Variants in NAA25 observed in about 807,000 individuals in gnomAD.
NAA25 encodes the protein N-alpha-acetyltransferase 25, NatB auxiliary subunit.
NAA25 carries 30 observed loss-of-function variants against 132.5 expected under a neutral mutation model. The observed-to-expected ratio is 0.23, with a 90% confidence interval of 0.17 to 0.31. NAA25 has a LOEUF of 0.31. NAA25 is among the 10% of genes least tolerant of loss of function. The pLI is 1.00. For missense variants in NAA25, 771 were observed against 1,150.4 expected, an observed-to-expected ratio of 0.67 and a Z score of 4.77; for synonymous variants, 359 against 401.9, an observed-to-expected ratio of 0.89 and a Z score of 1.28.
chr12:112,039,999 G>A (rs2078280426), intron 21 of NAA25: 1 of 155,480 alleles, frequency 6.4e-6, no homozygotes, highest in Admixed American at 6.5e-5. Flanking sequence ...ACAAATATGT[G>A]ACAGAAATAA....
chr12:112,076,041 C>A (rs905728877), intron 7 of NAA25, among the ~76,000 whole-genome samples: 1 of 151,998 alleles, frequency 6.6e-6, no homozygotes, highest in Non-Finnish European at 1.5e-5. Flanking sequence ...TGCCACCACG[C>A]CTGGCTAATT....
intron 8 of NAA25, among the ~76,000 whole-genome samples, chr12:112,075,282 A>G (rs1246965290): frequency 6.6e-6 from 1 of 151,192 alleles, no homozygotes; most frequent in Non-Finnish European, 1.5e-5. Context: ...TCTGCCTCCC[A>G]GGTTCAAGCG....
intron 2 of NAA25, among the ~76,000 whole-genome samples, chr12:112,092,114 G>A (rs930803611): frequency 4.6e-5 from 7 of 151,536 alleles, no homozygotes; most frequent in African/African-American, 1.2e-4. Flanking sequence ...GGTAGGACGC[G>A]CCTGTAGTCC....
At chr12:112,062,826 T>A (rs2078655936) in intron 11 of NAA25, among the ~76,000 whole-genome samples, 1 of 152,066 alleles carries the variant, frequency 6.6e-6, no homozygotes, top group Non-Finnish European at 1.5e-5. Context: ...GAGAATCACT[T>A]GTGCTCAAGA....
At chr12:112,040,210 A>C (rs1375154202) in intron 21 of NAA25, 1 of 278,560 alleles carries the variant, frequency 3.6e-6, no homozygotes, top group Non-Finnish European at 6.6e-6. Context: ...GAGAATGAAA[A>C]CAGCTAGATT....
chr12:112,078,060 G>A (rs1014918920), intron 7 of NAA25, 128 bp downstream of exon 7: 29 of 651,022 alleles, frequency 4.5e-5, no homozygotes, highest in Middle Eastern at 8.3e-4. Context: ...GAAAAGTCTG[G>A]AAGAATATAA....
intron 1 of NAA25, among the ~76,000 whole-genome samples, chr12:112,100,128 GAAT>G (rs1381940347): frequency 6.6e-6 from 1 of 152,176 alleles, no homozygotes; most frequent in Non-Finnish European, 1.5e-5. Context: ...ACCTAAAAAT[GAAT>G]AATGCCTCCT....
intron 1 of NAA25, among the ~76,000 whole-genome samples, chr12:112,094,748 C>T (rs868863240): frequency 6.6e-6 from 1 of 152,148 alleles, no homozygotes; most frequent in South Asian, 2.1e-4. Flanking sequence ...CAACCTCTGC[C>T]TCCTGAGTTC....
chr12:112,060,227 TA>T (rs1319047198), intron 13 of NAA25, 42 bp downstream of exon 13: 19 of 1,368,174 alleles, frequency 1.4e-5, no homozygotes, highest in Non-Finnish European at 1.9e-5. Context: ...TTATAATCAA[TA>T]AAAGCAAAAA....
intron 5 of NAA25, among the ~76,000 whole-genome samples, chr12:112,079,951 T>C (rs949314129): frequency 6.6e-6 from 1 of 152,106 alleles, no homozygotes; most frequent in Admixed American, 6.6e-5. Flanking sequence ...ATACAGTCCA[T>C]GCTACCCACA....
At chr12:112,047,522 G>A (rs1344158016) in intron 17 of NAA25, 143 bp downstream of exon 17, 11 of 966,328 alleles carry the variant, frequency 1.1e-5, no homozygotes, top group South Asian at 5.3e-5. Context: ...CTGAGCCACC[G>A]TGCCCAGCCC....
intron 11 of NAA25, 79 bp from the exon 12 acceptor site, chr12:112,061,467 T>G: frequency 3.9e-6 from 4 of 1,034,708 alleles, no homozygotes; most frequent in Non-Finnish European, 6.0e-6. Context: ...AGAAATTGAA[T>G]GGTCTAGAAA....
chr12:112,081,289 G>A (rs2078970478), intron 4 of NAA25, among the ~76,000 whole-genome samples, 155 bp from the exon 5 acceptor site: 1 of 152,200 alleles, frequency 6.6e-6, no homozygotes. Flanking sequence ...TTTAGCAACA[G>A]CAGTAATCAC....
chr12:112,087,841 A>G (rs1278971831), intron 3 of NAA25, 40 bp from the exon 4 acceptor site: 5 of 1,323,466 alleles, frequency 3.8e-6, no homozygotes, highest in Non-Finnish European at 4.4e-6. Context: ...ATACTTCAAG[A>G]ACATTCTAAT....
At chr12:112,059,765 T>C (rs527683301) in intron 13 of NAA25, among the ~76,000 whole-genome samples, 2 of 152,254 alleles carry the variant, frequency 1.3e-5, no homozygotes, top group East Asian at 1.9e-4. Flanking sequence ...CAGATATCCA[T>C]TCATTTAACA....
intron 13 of NAA25, among the ~76,000 whole-genome samples, chr12:112,057,171 G>A (rs2078559282): frequency 6.6e-6 from 1 of 152,020 alleles, no homozygotes; most frequent in Non-Finnish European, 1.5e-5. Flanking sequence ...CCTGGCAACA[G>A]AGCGAGACTC....
chr12:112,066,314 G>A (rs1211779876), intron 11 of NAA25, among the ~76,000 whole-genome samples: 1 of 152,148 alleles, frequency 6.6e-6, no homozygotes, highest in Non-Finnish European at 1.5e-5. Flanking sequence ...CTTATCTTAG[G>A]GCTTAGCACA....
Position 112,047,229 on chromosome 12 carries a change from C to CTTT in NAA25, c.2006+433_2006+435dup, listed in dbSNP as rs71808367. 1.0e-3 allele frequency among the ~76,000 whole-genome samples: 119 copies of CTTT among 119,174 alleles called. 3 individuals carry two copies. Among genetic ancestry groups the CTTT allele is most frequent in the African/African-American group, 3.4e-3 (105 of 30,536 alleles). 78.2% of individuals were successfully genotyped at this position (119,174 alleles called of 152,430 possible). A position where few individuals can be genotyped will look rare whatever the true frequency, so the allele number is the denominator to read the frequency against. On this transcript the variant is annotated intron_variant, in intron 17 of 23. Transcript: ENST00000261745. ...TTTTAATTTTAGATTCATCCTAATT[C>CTTT]TTTTTTTTTTTTTTTTTTGGAGATG...
intron 13 of NAA25, among the ~76,000 whole-genome samples, chr12:112,059,707 AT>A (rs891231829): frequency 2.0e-5 from 3 of 151,922 alleles, no homozygotes; most frequent in Non-Finnish European, 4.4e-5. Context: ...TTGTCATAGT[AT>A]TTTTTTATAG....
Sources: gnomAD v4.1 joint callset for allele counts (sites outside exome capture counted in the v4.1 genomes callset) on GRCh38, gnomAD v4.1.1 for gene constraint, MANE v1.5 for transcripts, NCBI Gene and HGNC (gene_info 2026-07-23, HGNC 2026-07-21) for gene names.